The following KCNQ1 variants were observed in gnomAD, a reference collection of about 807,000 sequenced individuals.
The protein encoded by KCNQ1 is potassium voltage-gated channel subfamily KQT member 1.
Under a neutral mutation model 72.4 loss-of-function variants are expected in KCNQ1, and 49 were observed. The ratio of observed to expected loss-of-function variants is 0.68; its 90% CI spans 0.54 to 0.86. KCNQ1 has a LOEUF of 0.86. Among genes scored for constraint, KCNQ1 ranks in the 40% least tolerant of loss-of-function variants. KCNQ1 has a pLI of 0.00. For missense variants in KCNQ1, 790 were observed against 945.1 expected, an observed-to-expected ratio of 0.84 and a Z score of 2.15; for synonymous variants, 450 against 412.6, an observed-to-expected ratio of 1.09 and a Z score of -1.10.
At position 2,445,445 on chromosome 11, in the gene KCNQ1, G is replaced by C; in HGVS notation, c.347G>C (p.Arg116Pro). ...GGCCGCGTCTACAACTTCCTCGAGC[G>C]TCCCACCGGCTGGAAATGCTTCGTT... ...VQGRVYNFLE[R>P]PTGWKCFVYH... is the part of the protein sequence containing the mutation. The change falls in exon 1 of 16, where the codon CGT (arginine) becomes CCT (proline). Residue 116 changes from arginine (R) to proline (P), a missense_variant. Around this residue, in one of 5 missense-constraint regions of KCNQ1, gnomAD observed 294 missense variants for 323.3 expected, o/e 0.91. Coordinates refer to ENST00000155840, the MANE Select transcript of KCNQ1 (RefSeq NM_000218.3). 6.3e-7 allele frequency: 1 copy of C among 1,597,412 alleles called. No homozygotes were observed. Among genetic ancestry groups the C allele is most frequent in the East Asian group, 2.2e-5 (1 of 44,820 alleles).
chr11:2,476,120 AATAG>A (rs1261528703), intron 1 of KCNQ1, among the ~76,000 whole-genome samples: 3 of 152,368 alleles, frequency 2.0e-5, no homozygotes, highest in African/African-American at 4.8e-5. Context: ...TAGTTAAATT[AATAG>A]ATATATCAAA....
Position 2,617,421 on chromosome 11 carries a change from A to G in KCNQ1, c.1393+28567A>G. ...GGCAGGATCTCCTTTTTTAATGCGGAATAATATTCCATTGTAGACATACAC... is the reference window on the plus strand; with the variant it reads ...GGCAGGATCTCCTTTTTTAATGCGGGATAATATTCCATTGTAGACATACAC... On this transcript the variant is annotated intron_variant, in intron 10 of 15. Transcript: ENST00000155840. This position sits in a 1 kb window ranked among gnomAD's most constrained non-coding sequence, Gnocchi z 4.6. 2 of 398,458 alleles carry G rather than the reference A, an allele frequency of 5.0e-6. No homozygotes were observed. Among genetic ancestry groups the G allele is most frequent in the Admixed American group, 4.4e-5 (1 of 22,716 alleles). The allele number at this position is 398,458 out of a possible 1,614,324, so 24.7% of individuals were successfully genotyped here. A position where few individuals can be genotyped will look rare whatever the true frequency, so the allele number is the denominator to read the frequency against.
intron 2 of KCNQ1, among the ~76,000 whole-genome samples, chr11:2,535,256 G>A (rs1029946159): frequency 6.6e-6 from 1 of 152,228 alleles, no homozygotes; most frequent in African/African-American, 2.4e-5. Context: ...AGTGGACCAG[G>A]GGCAGGTGGA....
At chr11:2,631,148 T>G (rs1849346203) in intron 10 of KCNQ1, 1 of 398,454 alleles carries the variant, frequency 2.5e-6, no homozygotes, top group Admixed American at 4.4e-5. Context: ...ATGGGAAGTT[T>G]TCAGCCATTA....
chr11:2,618,068 T>A (rs1849097763), intron 10 of KCNQ1: 1 of 398,490 alleles, frequency 2.5e-6, no homozygotes, highest in Admixed American at 4.4e-5. Flanking sequence ...TTTTGTAGCC[T>A]GAGCTTTTGG....
chr11:2,655,944 T>C, intron 10 of KCNQ1: 1 of 398,702 alleles, frequency 2.5e-6, no homozygotes, highest in Non-Finnish European at 4.4e-6. Context: ...CACATTCCTC[T>C]CTGGCAGGTG....
chr11:2,575,472 G>A (rs561983904), intron 6 of KCNQ1, among the ~76,000 whole-genome samples: 20 of 152,324 alleles, frequency 1.3e-4, no homozygotes, highest in South Asian at 6.2e-4. Flanking sequence ...TGTGTTCCTG[G>A]CATTTCTCGG....
rs1002893757 is a variant in KCNQ1, at chr11:2,815,414, G to A, written c.1795-32353G>A. ...AAGAAGCTATGCTGAGGCCCACAGG[G>A]TAGTTCTGAGTTCGGGGGACCCTCT... On this transcript the variant is annotated intron_variant, in intron 15 of 15. Transcript: ENST00000155840. The surrounding 1 kb of genome is among the most constrained non-coding windows in gnomAD (Gnocchi z 5.4). Among the ~76,000 whole-genome samples, 2 of 152,134 alleles carry A rather than the reference G, an allele frequency of 1.3e-5. No homozygotes were observed. Among genetic ancestry groups the A allele is most frequent in the Non-Finnish European group, 2.9e-5 (2 of 68,014 alleles).
At chr11:2,606,100 A>G (rs1848874242) in intron 10 of KCNQ1, among the ~76,000 whole-genome samples, 1 of 152,226 alleles carries the variant, frequency 6.6e-6, no homozygotes, top group South Asian at 2.1e-4. Flanking sequence ...GCATTAGGTA[A>G]ATTCGCACTG....
rs542785153 is a variant in KCNQ1, at chr11:2,734,704, G to T, written c.1515-34140G>T. Among the ~76,000 whole-genome samples the T allele has an allele frequency of 3.3e-5, 5 of 152,188 alleles. No homozygotes were observed. In the South Asian group the frequency reaches 1.0e-3, roughly 32 times the overall value. ...TCCCAGGCACATTCAGTGCCAGCCA[G>T]GGAGGTGAGAGGTAATCCTGGAAGC... On this transcript the variant is annotated intron_variant, in intron 11 of 15. Transcript: ENST00000155840. This position sits in a 1 kb window ranked among gnomAD's most constrained non-coding sequence, Gnocchi z 7.0.
rs746346711 is a variant in KCNQ1, at chr11:2,784,285, T to C, written c.1794+6248T>C. Reference sequence around the variant, plus strand: ...ATACCCCATTTCCTCCTTTGAATTATCATGGCTTCTTGGTCAAAAATCAAT... The same window carrying C: ...ATACCCCATTTCCTCCTTTGAATTACCATGGCTTCTTGGTCAAAAATCAAT... On this transcript the variant is annotated intron_variant, in intron 15 of 15. Transcript: ENST00000155840. The surrounding 1 kb of genome is among the most constrained non-coding windows in gnomAD (Gnocchi z 4.7). Among the ~76,000 whole-genome samples the C allele has an allele frequency of 1.3e-5, 2 of 151,974 alleles. No individual in the cohort carries two copies. Among genetic ancestry groups the C allele is most frequent in the African/African-American group, 2.4e-5 (1 of 41,456 alleles).
In KCNQ1 at chr11:2,767,583, T is replaced by C. The variant is rs1355628899; in HGVS notation, c.1515-1261T>C. ...TCTCCCTACAGATAATTTTATTTTCTTCTGCCACGCGCAAAGCACCTTACT... is the reference window on the plus strand; with the variant it reads ...TCTCCCTACAGATAATTTTATTTTCCTCTGCCACGCGCAAAGCACCTTACT... On this transcript the variant is annotated intron_variant, in intron 11 of 15. Transcript: ENST00000155840. The surrounding 1 kb of genome is among the most constrained non-coding windows in gnomAD (Gnocchi z 4.6). Among the ~76,000 whole-genome samples the C allele has an allele frequency of 2.0e-5, 3 of 152,212 alleles. No homozygotes were observed. Among genetic ancestry groups the C allele is most frequent in the Non-Finnish European group, 4.4e-5 (3 of 68,036 alleles).
chr11:2,577,860 C>T (rs1320502073), intron 6 of KCNQ1, among the ~76,000 whole-genome samples: 1 of 152,174 alleles, frequency 6.6e-6, no homozygotes, highest in African/African-American at 2.4e-5. Context: ...AGAGACAGTC[C>T]TGCCCCCCAC....
chr11:2,786,037 T>C (rs1379416457), intron 15 of KCNQ1, among the ~76,000 whole-genome samples: 2 of 152,134 alleles, frequency 1.3e-5, no homozygotes, highest in Non-Finnish European at 2.9e-5. Flanking sequence ...ACTCACCCAT[T>C]TGCCTCTTTG....
chr11:2,556,300 C>T (rs1323964669), intron 2 of KCNQ1, among the ~76,000 whole-genome samples: 1 of 152,178 alleles, frequency 6.6e-6, no homozygotes, highest in Non-Finnish European at 1.5e-5. Flanking sequence ...CAAGGTCACA[C>T]TCTGAGGTGT....
chr11:2,452,768 G>A (rs529220635), intron 1 of KCNQ1, among the ~76,000 whole-genome samples: 19 of 152,284 alleles, frequency 1.2e-4, no homozygotes, highest in Non-Finnish European at 2.4e-4. Flanking sequence ...ATCACCAATG[G>A]AACAGCTTTT....
chr11:2,776,198 C>G, intron 13 of KCNQ1, 144 bp downstream of exon 13: 1 of 721,554 alleles, frequency 1.4e-6, no homozygotes, highest in Non-Finnish European at 2.3e-6. Flanking sequence ...TCACCACCCC[C>G]AGCCCTGCAG....
At position 2,509,455 on chromosome 11, in the gene KCNQ1, G is replaced by C. The variant is rs985139117; in HGVS notation, c.387-18473G>C. ...CTGGGAGGCTGGGTCTGTGCTGTGTGGGGGGTGTTTGGTGTCCTAGGAGGA... is the reference window on the plus strand; with the variant it reads ...CTGGGAGGCTGGGTCTGTGCTGTGTCGGGGGTGTTTGGTGTCCTAGGAGGA... On this transcript the variant is annotated intron_variant, in intron 1 of 15. Coordinates refer to ENST00000155840, the MANE Select transcript of KCNQ1 (RefSeq NM_000218.3). This position sits in a 1 kb window ranked among gnomAD's most constrained non-coding sequence, Gnocchi z 6.3. Among the ~76,000 whole-genome samples, 2 of 152,100 alleles carry C rather than the reference G, an allele frequency of 1.3e-5. No homozygotes were observed. Among genetic ancestry groups the C allele is most frequent in the African/African-American group, 4.8e-5 (2 of 41,420 alleles).
chr11:2,479,890 T>G lies in KCNQ1; in HGVS notation c.386+34406T>G, dbSNP rs1333641630. On this transcript the variant is annotated intron_variant, in intron 1 of 15. Coordinates refer to ENST00000155840, the MANE Select transcript of KCNQ1 (RefSeq NM_000218.3). The surrounding 1 kb of genome is among the most constrained non-coding windows in gnomAD (Gnocchi z 4.6). Reference sequence around the variant, plus strand: ...AACACCCAAGTCACCTCTTGAAAGCTTTGCAGCTTAGAAATTTCTTCCACC... The same window carrying G: ...AACACCCAAGTCACCTCTTGAAAGCGTTGCAGCTTAGAAATTTCTTCCACC... Among the ~76,000 whole-genome samples the G allele has an allele frequency of 6.6e-6, 1 of 152,210 alleles. No homozygotes were observed. Among genetic ancestry groups the G allele is most frequent in the Non-Finnish European group, 1.5e-5 (1 of 68,030 alleles).
Sources: gnomAD v4.1 joint callset for allele counts (sites outside exome capture counted in the v4.1 genomes callset) on GRCh38, gnomAD v4.1.1 for gene constraint, gnomAD v4.1.1 regional missense constraint, Gnocchi (gnomAD v3.1) non-coding constraint, MANE v1.5 for transcripts, NCBI Gene and HGNC (gene_info 2026-07-23, HGNC 2026-07-21) for gene names.